The following WDPCP variants were observed in gnomAD, a reference collection of about 807,000 sequenced individuals.
The protein encoded by WDPCP is WD repeat-containing and planar cell polarity effector protein fritz homolog.
In WDPCP, 71 loss-of-function variants were observed where a neutral mutation model predicts 93.1. That is an observed-to-expected ratio of 0.76 (90% CI 0.63 to 0.93). The LOEUF (loss-of-function observed/expected upper bound fraction) is 0.93. Ranked by LOEUF, WDPCP falls within the 40% of genes least tolerant of loss-of-function variation. WDPCP has a pLI of 0.00. For synonymous variants in WDPCP, 315 were observed against 315.0 expected, an observed-to-expected ratio of 1.00 and a Z score of 0.00; for missense variants, 844 against 887.4, an observed-to-expected ratio of 0.95 and a Z score of 0.62.
At chr2:63,770,775 C>T (rs922225802) in intron 2 of WDPCP, among the ~76,000 whole-genome samples, 1 of 151,826 alleles carries the variant, frequency 6.6e-6, no homozygotes, top group Admixed American at 6.6e-5. Context: ...CCAGTGGATG[C>T]ATGACAGGGA....
intron 1 of WDPCP, among the ~76,000 whole-genome samples, chr2:63,531,854 G>C (rs531513751): frequency 6.6e-6 from 1 of 152,308 alleles, no homozygotes; most frequent in Admixed American, 6.5e-5. Flanking sequence ...GCTGGACAGA[G>C]AATGACTTTG....
At chr2:63,726,185 T>C (rs997914570) in intron 2 of WDPCP, among the ~76,000 whole-genome samples, 2 of 152,222 alleles carry the variant, frequency 1.3e-5, no homozygotes, top group Admixed American at 6.5e-5. Flanking sequence ...TTTTATGTTT[T>C]ACATTTAAGT....
chr2:63,772,487 C>T (rs1409105486), intron 2 of WDPCP, among the ~76,000 whole-genome samples: 1 of 151,994 alleles, frequency 6.6e-6, no homozygotes, highest in African/African-American at 2.4e-5. Flanking sequence ...AAGGCCAATA[C>T]AAGAAAGAAA....
chr2:63,612,370 A>C (rs1158632992), intron 3 of WDPCP, among the ~76,000 whole-genome samples: 2 of 152,184 alleles, frequency 1.3e-5, no homozygotes, highest in Non-Finnish European at 2.9e-5. Flanking sequence ...GAAATACGCC[A>C]CCCCAAAATA....
At chr2:63,809,057 G>A (rs947720504) in intron 2 of WDPCP, among the ~76,000 whole-genome samples, 36 of 150,374 alleles carry the variant, frequency 2.4e-4, no homozygotes, top group Admixed American at 2.3e-3. Flanking sequence ...GGTGAGGAGC[G>A]TCTCTGACCG....
intron 10 of WDPCP, among the ~76,000 whole-genome samples, chr2:63,395,925 C>T (rs1225494090): frequency 1.3e-5 from 2 of 152,242 alleles, no homozygotes; most frequent in Non-Finnish European, 1.5e-5. Flanking sequence ...AGACAGGTTT[C>T]ACCATGTTGG....
At chr2:63,393,600 G>T (rs1041810590) in intron 10 of WDPCP, among the ~76,000 whole-genome samples, 1 of 151,232 alleles carries the variant, frequency 6.6e-6, no homozygotes, top group Non-Finnish European at 1.5e-5. Flanking sequence ...ACCAAAAAAA[G>T]AGTCTGAATA....
upstream of WDPCP, among the ~76,000 whole-genome samples, chr2:63,591,794 T>C (rs1243779170): frequency 6.6e-6 from 1 of 152,244 alleles, no homozygotes; most frequent in Non-Finnish European, 1.5e-5. Context: ...TATTAAAGTC[T>C]TTAGAGGAAA....
In WDPCP at chr2:63,612,221, C is replaced by T. The variant is rs557035786; in HGVS notation, n.488+38438G>A. On this transcript the variant is annotated intron_variant and non_coding_transcript_variant, in intron 3 of 4. Transcript: ENST00000467687. ...CTGACTCTTTTTAGGTGTCCTTAAA[C>T]AACCTTTCTACGTTTTGACTCCCTC... Among the ~76,000 whole-genome samples the T allele has an allele frequency of 3.3e-5, 5 of 152,258 alleles. No individual in the cohort carries two copies. The East Asian group carries it at 7.7e-4, about 23-fold the overall frequency.
chr2:63,795,772 AGATAGTATGTGTGGCAG>A (rs1286127631), intron 2 of WDPCP, among the ~76,000 whole-genome samples: 2 of 152,182 alleles, frequency 1.3e-5, no homozygotes, highest in Admixed American at 6.5e-5. Flanking sequence ...GCATCTTTAA[AGATAGTATGTGTGGCAG>A]GATAGTATGT....
intron 2 of WDPCP, among the ~76,000 whole-genome samples, chr2:63,663,215 T>A (rs974981225): frequency 5.9e-5 from 9 of 152,240 alleles, no homozygotes; most frequent in Admixed American, 5.2e-4. Context: ...AGCTTCCCTG[T>A]ACCCTGCCCC....
At chr2:63,589,180 A>G (rs1312748044), upstream of WDPCP, 1 of 1,607,478 alleles carries the variant, frequency 6.2e-7, no homozygotes, top group Non-Finnish European at 8.5e-7. Flanking sequence ...GCTCGGACTC[A>G]TCTTCTGGGG....
chr2:63,716,539 T>C (rs528689218), intron 2 of WDPCP, among the ~76,000 whole-genome samples: 29 of 152,352 alleles, frequency 1.9e-4, no homozygotes, highest in Non-Finnish European at 3.8e-4. Context: ...GCTATTTGAA[T>C]AAATATGCAA....
chr2:63,428,976 C>G (rs1442462062), intron 9 of WDPCP, among the ~76,000 whole-genome samples: 1 of 151,816 alleles, frequency 6.6e-6, no homozygotes, highest in Non-Finnish European at 1.5e-5. Flanking sequence ...CCCAAAGCAA[C>G]CTAGAGATGG....
chr2:63,806,271 G>A (rs1225820936), intron 2 of WDPCP, among the ~76,000 whole-genome samples: 1 of 152,136 alleles, frequency 6.6e-6, no homozygotes, highest in Non-Finnish European at 1.5e-5. Context: ...AGGCGTCCGG[G>A]GGGGACATCA....
rs760952950 is a variant in WDPCP, at chr2:63,575,469, A to ACTGTATATACAGTATATACT, written c.75+12727_75+12728insAGTATATACTGTATATACAG. On this transcript the variant is annotated intron_variant, in intron 1 of 17. Coordinates refer to ENST00000272321, the MANE Select transcript of WDPCP (RefSeq NM_015910.7). ...TACACTGTATATACAGTATATATGCAGTATATACAGTGTATATATAGTATA... is the reference window on the plus strand; with the variant it reads ...TACACTGTATATACAGTATATATGCACTGTATATACAGTATATACTGTATATACAGTGTATATATAGTATA... Among the ~76,000 whole-genome samples, 46 of 16,328 alleles carry ACTGTATATACAGTATATACT rather than the reference A, an allele frequency of 2.8e-3. 9 individuals carry two copies. The East Asian group carries it at 0.076, about 27-fold the overall frequency. The allele number at this position is 16,328 out of a possible 152,430, so 10.7% of individuals were successfully genotyped here.
chr2:63,549,263 A>G (rs930121809), intron 1 of WDPCP, among the ~76,000 whole-genome samples: 12 of 151,508 alleles, frequency 7.9e-5, no homozygotes, highest in Admixed American at 2.0e-4. Context: ...AAAAAAAAAA[A>G]AAAAAGAAAA....
intron 1 of WDPCP, among the ~76,000 whole-genome samples, chr2:63,567,276 C>A (rs1408520498): frequency 6.6e-6 from 1 of 152,180 alleles, no homozygotes; most frequent in South Asian, 2.1e-4. Flanking sequence ...CTTGGTCTTT[C>A]TGGCTACCAG....
intron 2 of WDPCP, among the ~76,000 whole-genome samples, chr2:63,711,084 C>A (rs1669255248): frequency 6.6e-6 from 1 of 152,166 alleles, no homozygotes; most frequent in African/African-American, 2.4e-5. Context: ...ACATCTTCAT[C>A]CTAGCCCCAC....
Sources: allele counts gnomAD v4.1 joint callset (sites outside exome capture counted in the v4.1 genomes callset), GRCh38; gene constraint gnomAD v4.1.1; transcripts MANE v1.5; gene names NCBI Gene and HGNC (gene_info 2026-07-23, HGNC 2026-07-21).